Variants in TNIK observed in about 807,000 individuals in gnomAD.
TNIK encodes the protein TRAF2 and NCK-interacting protein kinase.
A neutral mutation model predicts 191.3 loss-of-function variants in TNIK; 49 were observed. That is an observed-to-expected ratio of 0.26 (90% CI 0.20 to 0.32). The LOEUF (loss-of-function observed/expected upper bound fraction) is 0.32, where lower values mean the gene tolerates loss of function less well. TNIK is among the 10% of genes least tolerant of loss of function. The pLI is 1.00. For missense variants in TNIK, 1,155 were observed against 1,702.3 expected, an observed-to-expected ratio of 0.68 and a Z score of 5.66; for synonymous variants, 594 against 600.9, an observed-to-expected ratio of 0.99 and a Z score of 0.17.
intron 1 of TNIK, among the ~76,000 whole-genome samples, chr3:171,423,755 GGC>G (rs1724148050): frequency 2.6e-5 from 4 of 152,174 alleles, no homozygotes; most frequent in Admixed American, 6.5e-5. Context: ...TTTAATAAAT[GGC>G]GCTGGGAAAA....
At chr3:171,367,382 G>A (rs561294136) in intron 2 of TNIK, among the ~76,000 whole-genome samples, 3 of 148,946 alleles carry the variant, frequency 2.0e-5, no homozygotes, top group African/African-American at 7.4e-5. Context: ...ACCTAACATC[G>A]TCTGGTTGCC....
At chr3:171,152,783 T>C (rs1430401546) in intron 12 of TNIK, among the ~76,000 whole-genome samples, 1 of 150,826 alleles carries the variant, frequency 6.6e-6, no homozygotes. Flanking sequence ...TTTGTTTTTT[T>C]TTTTTTGAGA....
At chr3:171,084,384 G>T in intron 25 of TNIK, 59 bp from the exon 26 acceptor site, 1 of 1,547,952 alleles carries the variant, frequency 6.5e-7, no homozygotes, top group South Asian at 1.2e-5. Context: ...TATGGAGATG[G>T]GGCTTCAAAA....
intron 28 of TNIK, among the ~76,000 whole-genome samples, chr3:171,072,720 G>C (rs2108327850): frequency 6.6e-6 from 1 of 152,072 alleles, no homozygotes; most frequent in East Asian, 1.9e-4. Flanking sequence ...CTTCAGTAAA[G>C]TTTCAGGACA....
chr3:171,298,532 C>A (rs1752561718), intron 2 of TNIK, among the ~76,000 whole-genome samples: 1 of 152,130 alleles, frequency 6.6e-6, no homozygotes, highest in South Asian at 2.1e-4. Context: ...ATTTGTGTCC[C>A]TTTTAGGCCA....
At chr3:171,270,838 T>C (rs1560350586) in intron 2 of TNIK, among the ~76,000 whole-genome samples, 2 of 152,214 alleles carry the variant, frequency 1.3e-5, no homozygotes, top group South Asian at 4.1e-4. Context: ...TCCTGCTTCA[T>C]AGAGGTTAAA....
chr3:171,336,258 AAAGTT>A (rs1401348628), intron 2 of TNIK, among the ~76,000 whole-genome samples: 7 of 152,184 alleles, frequency 4.6e-5, no homozygotes. Context: ...TTTACTCCTT[AAAGTT>A]AACCATTTTC....
chr3:171,334,780 C>T (rs1385899503), intron 2 of TNIK, among the ~76,000 whole-genome samples: 1 of 152,096 alleles, frequency 6.6e-6, no homozygotes, highest in Non-Finnish European at 1.5e-5. Flanking sequence ...TCAAACACTC[C>T]AGTAATTTCC....
At position 171,063,969 on chromosome 3, in the gene TNIK, TTG is replaced by T. The variant is rs760900860; in HGVS notation, c.4000-7_4000-6del. ...TCGCACGGATGCAAAAAATACCTGT[TTG>T]AAATTAAAAAGAAGTTAGTTCAACT... On this transcript the variant is annotated splice_region_variant and splice_polypyrimidine_tract_variant and intron_variant, in intron 32 of 32. Coordinates refer to ENST00000436636, the MANE Select transcript of TNIK (RefSeq NM_015028.4). The T allele has an allele frequency of 3.1e-6, 5 of 1,613,268 alleles. No homozygotes were observed. The African/African-American group carries it at 6.7e-5, about 22-fold the overall frequency.
intron 2 of TNIK, among the ~76,000 whole-genome samples, chr3:171,362,423 T>C (rs1007119684): frequency 3.3e-5 from 5 of 151,926 alleles, no homozygotes; most frequent in African/African-American, 1.2e-4. Flanking sequence ...TTTTGCACCA[T>C]CCTAATATTT....
intron 2 of TNIK, among the ~76,000 whole-genome samples, chr3:171,368,933 T>A (rs528566718): frequency 2.6e-5 from 1 of 37,814 alleles, no homozygotes. Flanking sequence ...TTCACTTTCA[T>A]TTTTTTTGTT....
chr3:171,290,190 C>A (rs1164865100), intron 2 of TNIK, among the ~76,000 whole-genome samples: 2 of 152,194 alleles, frequency 1.3e-5, no homozygotes, highest in Non-Finnish European at 2.9e-5. Flanking sequence ...CATCTTCCTG[C>A]AACTTATTAT....
intron 9 of TNIK, among the ~76,000 whole-genome samples, chr3:171,170,664 T>C (rs1735155214): frequency 6.6e-6 from 1 of 152,242 alleles, no homozygotes; most frequent in Non-Finnish European, 1.5e-5. Flanking sequence ...GCTATTATGA[T>C]GATGATGACT....
rs397691045 is a variant in TNIK at position 171,120,323 on chromosome 3, C to CTTTTT, written c.2120+3268_2120+3272dup. 2.5e-3 allele frequency among the ~76,000 whole-genome samples: 337 copies of CTTTTT among 136,390 alleles called. 7 individuals carry two copies. The highest frequency in any genetic ancestry group is 9.0e-3 in the African/African-American group (319 of 35,566). The allele number at this position is 136,390 out of a possible 152,430, so 89.5% of individuals were successfully genotyped here. ...TCTGCCTTGTTTTTCTTTTTTCTTT[C>CTTTTT]TTTTTTTTTTTTTTTGAGATGGAGT... On this transcript the variant is annotated intron_variant, in intron 18 of 32. Coordinates refer to ENST00000436636, the MANE Select transcript of TNIK (RefSeq NM_015028.4).
At chr3:171,235,121 A>C (rs6790143) in intron 2 of TNIK, among the ~76,000 whole-genome samples, 47,093 of 152,022 alleles carry the variant, frequency 0.31, 7,843 homozygotes, top group Middle Eastern at 0.44. Flanking sequence ...GGCCCACTGC[A>C]ATCTCCACCT....
intron 4 of TNIK, among the ~76,000 whole-genome samples, chr3:171,200,015 C>G (rs972042855): frequency 6.6e-6 from 1 of 152,168 alleles, no homozygotes; most frequent in African/African-American, 2.4e-5. Flanking sequence ...TCTAAAACCT[C>G]TATTAATGAA....
At chr3:171,135,871 T>G (rs1729921778) in intron 15 of TNIK, among the ~76,000 whole-genome samples, 1 of 152,212 alleles carries the variant, frequency 6.6e-6, no homozygotes, top group South Asian at 2.1e-4. Context: ...TGATGACATC[T>G]GCAAAGATCT....
chr3:171,240,504 A>G (rs1368385468), intron 2 of TNIK, among the ~76,000 whole-genome samples: 1 of 151,478 alleles, frequency 6.6e-6, no homozygotes, highest in Non-Finnish European at 1.5e-5. Flanking sequence ...GTGTTATCAC[A>G]GTGCTTTTAG....
intron 4 of TNIK, among the ~76,000 whole-genome samples, chr3:171,209,002 T>C (rs1025341359): frequency 6.6e-6 from 1 of 151,756 alleles, no homozygotes; most frequent in African/African-American, 2.4e-5. Context: ...AGTGACCTGA[T>C]TTAGGACATA....
Sources: allele counts gnomAD v4.1 joint callset (sites outside exome capture counted in the v4.1 genomes callset), GRCh38; gene constraint gnomAD v4.1.1; transcripts MANE v1.5; gene names NCBI Gene and HGNC (gene_info 2026-07-23, HGNC 2026-07-21).